Variants in PDCD2L observed in about 807,000 individuals in gnomAD.
The protein encoded by PDCD2L is programmed cell death 2 like.
In PDCD2L, 44 loss-of-function variants were observed where a neutral mutation model predicts 40.4. That is an observed-to-expected ratio of 1.09 (90% confidence interval 0.86 to 1.40). The LOEUF (loss-of-function observed/expected upper bound fraction) is 1.40. Among genes scored for constraint, PDCD2L ranks in the 40% most tolerant of loss-of-function variants. The probability of loss-of-function intolerance (pLI) is 0.00; values close to 1 mark genes in which losing one functional copy is unlikely to be tolerated. For synonymous variants in PDCD2L, 194 were observed against 174.6 expected, an observed-to-expected ratio of 1.11 and a Z score of -0.88; for missense variants, 470 against 453.7, an observed-to-expected ratio of 1.04 and a Z score of -0.33.
chr19:34,411,051 G>A lies in PDCD2L; in HGVS notation c.686+1541G>A, dbSNP rs575318983. Among the ~76,000 whole-genome samples, 391 of 151,890 alleles carry A rather than the reference G, an allele frequency of 2.6e-3. 1 individual carries two copies. The highest frequency in any genetic ancestry group is 6.8e-3 in the Middle Eastern group (2 of 294). On this transcript the variant is annotated intron_variant, in intron 4 of 6. Coordinates refer to ENST00000246535, the MANE Select transcript of PDCD2L (RefSeq NM_032346.2). ...ACCTGCCTTGGCCTCCCAAAGTGCC[G>A]GGATTACAGGTGTGAGCCACCGCGC...
intron 6 of PDCD2L, among the ~76,000 whole-genome samples, chr19:34,424,398 G>A (rs979475152): frequency 1.3e-4 from 20 of 152,132 alleles, no homozygotes; most frequent in South Asian, 2.1e-4. Flanking sequence ...AGGAGAGACC[G>A]AAGCAAATTT....
intron 5 of PDCD2L, among the ~76,000 whole-genome samples, chr19:34,416,170 C>T (rs772775528): frequency 7.2e-5 from 11 of 152,310 alleles, no homozygotes; most frequent in Middle Eastern, 3.4e-3. Context: ...ATCCACCCAC[C>T]TCAGCCTCTG....
In PDCD2L at chr19:34,405,048, G is replaced by C; in HGVS notation, c.336+58G>C. Reference sequence around the variant, plus strand: ...CTGTCATTTGAGGATATTTTCCAGAGAATAGTTTGGGGCAGACTTTAAAGC... The same window carrying C: ...CTGTCATTTGAGGATATTTTCCAGACAATAGTTTGGGGCAGACTTTAAAGC... On this transcript the variant is annotated intron_variant, in intron 3 of 6. Coordinates refer to ENST00000246535, the MANE Select transcript of PDCD2L (RefSeq NM_032346.2). 4 of 1,586,712 alleles carry C rather than the reference G, an allele frequency of 2.5e-6. 1 individual carries two copies. Among genetic ancestry groups the C allele is most frequent in the Non-Finnish European group, 3.4e-6 (4 of 1,161,408 alleles).
chr19:34,404,568 T>A, intron 1 of PDCD2L, 30 bp downstream of exon 1: 1 of 1,570,968 alleles, frequency 6.4e-7, no homozygotes, highest in South Asian at 1.2e-5. Flanking sequence ...CTGGGGTCGA[T>A]GGGTGCTGCT....
intron 4 of PDCD2L, among the ~76,000 whole-genome samples, chr19:34,411,296 G>A (rs1381985682): frequency 1.4e-5 from 2 of 145,506 alleles, no homozygotes; most frequent in African/African-American, 5.1e-5. Context: ...TTGGAGTGCA[G>A]TGGCACGTTC....
chr19:34,413,024 GC>G (rs2145463626), intron 4 of PDCD2L, among the ~76,000 whole-genome samples: 1 of 145,366 alleles, frequency 6.9e-6, no homozygotes, highest in East Asian at 2.1e-4. Flanking sequence ...ACAGGCGTGA[GC>G]CCACTGCACT....
At chr19:34,412,253 C>T (rs1054458708) in intron 4 of PDCD2L, among the ~76,000 whole-genome samples, 6 of 151,686 alleles carry the variant, frequency 4.0e-5, no homozygotes, top group Non-Finnish European at 7.4e-5. Context: ...CTTTTGACCT[C>T]GTGATCCACC....
At position 34,404,971 on chromosome 19, in the gene PDCD2L, G is replaced by C. The variant is rs375361877; in HGVS notation, c.317G>C (p.Arg106Thr). The C allele has an allele frequency of 4.8e-5, 77 of 1,614,098 alleles. No homozygotes were observed. Among genetic ancestry groups the C allele is most frequent in the Middle Eastern group, 1.6e-4 (1 of 6,082 alleles). Residue 106 changes from arginine to threonine, a missense_variant, in exon 3 of 7, where the codon AGA becomes ACA. Coordinates refer to ENST00000246535, the MANE Select transcript of PDCD2L (RefSeq NM_032346.2). ...TCCCAGTGCCTGCAGGTGCCAGAGA[G>C]AGAGGCGCAGGACGCTCAGGTAAAG... ...FRSQCLQVPE[R>T]EAQDAQKQGN...
At position 34,409,264 on chromosome 19, in the gene PDCD2L, G is replaced by A. The variant is rs765517804; in HGVS notation, c.440G>A (p.Gly147Glu). 2 of 1,614,122 alleles carry A rather than the reference G, an allele frequency of 1.2e-6. No homozygotes were observed. The highest frequency in any genetic ancestry group is 1.7e-6 in the Non-Finnish European group (2 of 1,180,038). The stretch of plus-strand genomic sequence containing the variant: ...TCACCACAGTTTACCTTGGATTTTG[G>A]GAATGATGCCAGCAGTGCCAAAGAC... ...GPSPQFTLDF[G>E]NDASSAKDVD... Residue 147 changes from glycine (G) to glutamate (E), a missense_variant, in exon 4 of 7, where the codon GGG becomes GAG. Coordinates refer to ENST00000246535, the MANE Select transcript of PDCD2L (RefSeq NM_032346.2).
intron 4 of PDCD2L, among the ~76,000 whole-genome samples, chr19:34,411,019 G>A (rs994832327): frequency 1.3e-5 from 2 of 151,674 alleles, no homozygotes; most frequent in Admixed American, 6.6e-5. Context: ...TCTTGACCTC[G>A]TGATCCACCT....
rs1005322680 is a variant in PDCD2L at position 34,404,530 on chromosome 19, G to A, written c.100G>A (p.Gly34Ser). The A allele has an allele frequency of 1.3e-6, 2 of 1,545,356 alleles. No homozygotes were observed. Among genetic ancestry groups the A allele is most frequent in the Non-Finnish European group, 1.7e-6 (2 of 1,149,416 alleles). ...PGAWTASKLG[G>S]IPDALPTVAA... ...TGCCTGGACTGCTAGCAAGCTGGGCGGCATTCCGGTGAGGGCGGGTGCCGG... is the reference window on the plus strand; with the variant it reads ...TGCCTGGACTGCTAGCAAGCTGGGCAGCATTCCGGTGAGGGCGGGTGCCGG... Residue 34 changes from glycine (G) to serine (S), a missense_variant, in exon 1 of 7, where the codon GGC (glycine) becomes AGC (serine). Physicochemically the swap from Gly to Ser is moderately conservative, Grantham distance 56 (BLOSUM62 0). Coordinates refer to ENST00000246535, the MANE Select transcript of PDCD2L (RefSeq NM_032346.2).
intron 6 of PDCD2L, chr19:34,422,373 A>G (rs1027824675): frequency 2.0e-5 from 3 of 151,488 alleles, no homozygotes; most frequent in African/African-American, 7.3e-5. Context: ...GAATTTTTGT[A>G]TTTTTTGTAG....
Position 34,413,512 on chromosome 19 carries a change from A to C in PDCD2L, c.687-225A>C, listed in dbSNP as rs189612370. Among the ~76,000 whole-genome samples the C allele has an allele frequency of 4.3e-3, 629 of 146,432 alleles. 21 individuals are homozygous for C. Among genetic ancestry groups the C allele is most frequent in the Admixed American group, 0.038 (562 of 14,670 alleles). ...CCACCATGCCCAGCCAATTTTTTGC[A>C]TTTTTTAGTAGAGATGGGGTTTCAC... is the stretch of plus-strand genomic sequence containing the variant. On this transcript the variant is annotated intron_variant, in intron 4 of 6. Coordinates refer to ENST00000246535, the MANE Select transcript of PDCD2L (RefSeq NM_032346.2).
chr19:34,424,995 C>T (rs1461253291), intron 6 of PDCD2L, among the ~76,000 whole-genome samples: 1 of 152,042 alleles, frequency 6.6e-6, no homozygotes, highest in Non-Finnish European at 1.5e-5. Context: ...ATCCATATAC[C>T]ACAGCCTCCC....
At chr19:34,406,344 C>T (rs1478940209) in intron 3 of PDCD2L, among the ~76,000 whole-genome samples, 2 of 151,910 alleles carry the variant, frequency 1.3e-5, no homozygotes, top group African/African-American at 2.4e-5. Flanking sequence ...CTTGTGAGAA[C>T]ATTTGAAATT....
chr19:34,405,675 C>T (rs1039471508), intron 3 of PDCD2L, among the ~76,000 whole-genome samples: 7 of 150,392 alleles, frequency 4.7e-5, no homozygotes, highest in East Asian at 4.1e-4. Flanking sequence ...CCGAGGCGGG[C>T]GGATCTCCTG....
In PDCD2L at chr19:34,404,556, A is replaced by G. The variant is rs571141192; in HGVS notation, c.108+18A>G. 1 of 1,557,348 alleles carries G rather than the reference A, an allele frequency of 6.4e-7. No homozygotes were observed. The highest frequency in any genetic ancestry group is 1.4e-5 in the African/African-American group (1 of 73,734). ...GCATTCCGGTGAGGGCGGGTGCCGG[A>G]GCTGGGGTCGATGGGTGCTGCTGAA... On this transcript the variant is annotated intron_variant, in intron 1 of 6. Transcript: ENST00000246535.
intron 5 of PDCD2L, among the ~76,000 whole-genome samples, chr19:34,417,787 G>A (rs1484118689): frequency 1.3e-5 from 2 of 152,154 alleles, no homozygotes; most frequent in East Asian, 1.9e-4. Context: ...GAGAATTGGT[G>A]TCCAAAATAG....
chr19:34,421,062 G>A (rs11668123), intron 5 of PDCD2L, among the ~76,000 whole-genome samples: 100,825 of 152,158 alleles, frequency 0.66, 36,702 homozygotes, highest in Non-Finnish European at 0.82. Flanking sequence ...CTGCTGATAC[G>A]ACGGGAGGTG....
Sources: gnomAD v4.1 joint callset for allele counts (sites outside exome capture counted in the v4.1 genomes callset) on GRCh38, gnomAD v4.1.1 for gene constraint, MANE v1.5 for transcripts, NCBI Gene and HGNC (gene_info 2026-07-23, HGNC 2026-07-21) for gene names.